The following HHAT variants were observed in gnomAD, a reference collection of about 807,000 sequenced individuals.
HHAT encodes the protein protein-cysteine N-palmitoyltransferase HHAT.
A neutral mutation model predicts 70.8 loss-of-function variants in HHAT; 47 were observed. That is an observed-to-expected ratio of 0.66 (90% CI 0.53 to 0.85). HHAT has a LOEUF of 0.85. Ranked by LOEUF, HHAT falls within the 40% of genes least tolerant of loss-of-function variation. The pLI, the probability that HHAT is intolerant of heterozygous loss-of-function variation, is 0.00. For synonymous variants in HHAT, 228 were observed against 247.6 expected (o/e 0.92, Z 0.74); for missense variants, 609 against 604.8 (o/e 1.01, Z -0.07).
intron 7 of HHAT, among the ~76,000 whole-genome samples, chr1:210,433,052 A>G (rs1170303523): frequency 6.6e-6 from 1 of 151,892 alleles, no homozygotes; most frequent in Middle Eastern, 3.4e-3. Context: ...CAGCACAGAC[A>G]GTAAAAGATG....
intron 11 of HHAT, among the ~76,000 whole-genome samples, chr1:210,652,243 A>T (rs558879591): frequency 3.9e-5 from 6 of 152,082 alleles, no homozygotes; most frequent in Non-Finnish European, 8.8e-5. Context: ...AGAATGGAGG[A>T]ATCAAAACAA....
intron 10 of HHAT, among the ~76,000 whole-genome samples, chr1:210,606,077 C>G (rs11119550): frequency 0.29 from 43,792 of 151,910 alleles, 7,955 homozygotes; most frequent in East Asian, 0.68. Context: ...AGGCTGGTCT[C>G]GAACTCCTGA....
At chr1:210,667,963 C>T (rs1055836972) in intron 11 of HHAT, among the ~76,000 whole-genome samples, 5 of 152,138 alleles carry the variant, frequency 3.3e-5, no homozygotes, top group Admixed American at 1.3e-4. Context: ...TTAAACACTG[C>T]CTTCTCATTT....
intron 11 of HHAT, among the ~76,000 whole-genome samples, chr1:210,673,419 A>G (rs556952525): frequency 2.6e-5 from 4 of 152,200 alleles, no homozygotes; most frequent in Non-Finnish European, 1.5e-5. Flanking sequence ...GAATCACACA[A>G]TATTATTCTA....
chr1:210,520,076 C>T (rs571045348), intron 9 of HHAT, among the ~76,000 whole-genome samples: 2 of 152,084 alleles, frequency 1.3e-5, no homozygotes, highest in African/African-American at 2.4e-5. Context: ...AGTGCAATGG[C>T]GTGATCTCAG....
Position 210,455,214 on chromosome 1 carries a change from C to T in HHAT, c.857-9291C>T, listed in dbSNP as rs116518829. On this transcript the variant is annotated intron_variant, in intron 7 of 11. Transcript: ENST00000261458. ...CCTGTCTTCTTGTCCCTGTCTTTCA[C>T]GTTACCTGCCCTTTATAGCAGAAAA... 1.6e-3 allele frequency among the ~76,000 whole-genome samples: 245 copies of T among 152,308 alleles called. 1 individual carries two copies. Among genetic ancestry groups the T allele is most frequent in the African/African-American group, 5.1e-3 (213 of 41,572 alleles).
At chr1:210,450,176 A>T (rs1332131601) in intron 7 of HHAT, among the ~76,000 whole-genome samples, 1 of 151,878 alleles carries the variant, frequency 6.6e-6, no homozygotes, top group Non-Finnish European at 1.5e-5. Context: ...CTGTAATTCC[A>T]GCTACTTGGG....
intron 10 of HHAT, among the ~76,000 whole-genome samples, chr1:210,617,862 A>AG (rs1266692246): frequency 6.6e-6 from 1 of 152,192 alleles, no homozygotes; most frequent in Non-Finnish European, 1.5e-5. Context: ...TGAAGGAAGG[A>AG]GGAGGTATTG....
intron 7 of HHAT, among the ~76,000 whole-genome samples, chr1:210,452,621 A>G (rs554947178): frequency 9.2e-5 from 14 of 152,374 alleles, no homozygotes; most frequent in Admixed American, 2.6e-4. Flanking sequence ...AAGAAAACAG[A>G]ACATGGCAGA....
At chr1:210,330,691 G>A (rs1458596350) in intron 1 of HHAT, among the ~76,000 whole-genome samples, 1 of 152,198 alleles carries the variant, frequency 6.6e-6, no homozygotes, top group African/African-American at 2.4e-5. Flanking sequence ...CCTGGCCCAG[G>A]GGGAATGTTC....
chr1:210,493,137 T>C (rs1233368473), intron 8 of HHAT, among the ~76,000 whole-genome samples: 1 of 152,008 alleles, frequency 6.6e-6, no homozygotes, highest in Admixed American at 6.6e-5. Flanking sequence ...TTTGCAACTT[T>C]TAGTCATCCA....
chr1:210,622,460 G>A (rs551668683), intron 10 of HHAT, among the ~76,000 whole-genome samples: 4 of 152,098 alleles, frequency 2.6e-5, no homozygotes, highest in African/African-American at 4.8e-5. Context: ...CCAGCACAGC[G>A]ACCTCACTCA....
intron 11 of HHAT, among the ~76,000 whole-genome samples, chr1:210,626,433 G>C (rs781312248): frequency 6.6e-6 from 1 of 152,140 alleles, no homozygotes; most frequent in East Asian, 1.9e-4. Context: ...CTCTCTTCTG[G>C]GTTCTGAGGC....
At chr1:210,368,722 A>G (rs2089260692) in intron 3 of HHAT, among the ~76,000 whole-genome samples, 1 of 151,998 alleles carries the variant, frequency 6.6e-6, no homozygotes, top group Non-Finnish European at 1.5e-5. Context: ...AATACCTGTT[A>G]CTGTGGTTAT....
At chr1:210,500,721 G>A (rs376825687) in intron 8 of HHAT, among the ~76,000 whole-genome samples, 30 of 152,304 alleles carry the variant, frequency 2.0e-4, no homozygotes, top group African/African-American at 7.2e-4. Flanking sequence ...GCTTTTGGTT[G>A]CCTTCTGGGC....
chr1:210,412,026 C>T (rs191315962), intron 6 of HHAT, among the ~76,000 whole-genome samples: 302 of 152,326 alleles, frequency 2.0e-3, no homozygotes, highest in African/African-American at 6.7e-3. Context: ...GATTTGATGT[C>T]TGGTAAGGGC....
At chr1:210,582,469 G>T (rs778878440) in intron 9 of HHAT, among the ~76,000 whole-genome samples, 2 of 152,142 alleles carry the variant, frequency 1.3e-5, no homozygotes, top group Non-Finnish European at 2.9e-5. Context: ...TCTGGGATTA[G>T]TCTGTCATAG....
At chr1:210,415,227 T>G (rs946507993) in intron 6 of HHAT, among the ~76,000 whole-genome samples, 17 of 152,228 alleles carry the variant, frequency 1.1e-4, no homozygotes, top group Admixed American at 8.5e-4. Flanking sequence ...TCCTTTTAAC[T>G]TCTCGTTTAT....
rs1331461975 is a variant in HHAT at position 210,587,927 on chromosome 1, A to G, written c.1073A>G (p.Gln358Arg). ...GTGTACATTCCAGTGGGCGGGTCCC[A>G]GCATGGCCTGCTGGGGACACTGTTT... ...RYVYIPVGGS[Q>R]HGLLGTLFST... Residue 358 changes from glutamine to arginine, a missense_variant, in exon 10 of 12, where the codon CAG becomes CGG. Transcript: ENST00000261458. 1 of 1,613,936 alleles carries G rather than the reference A, an allele frequency of 6.2e-7. No homozygotes were observed. The highest frequency in any genetic ancestry group is 8.5e-7 in the Non-Finnish European group (1 of 1,180,012).
Sources: allele counts gnomAD v4.1 joint callset (sites outside exome capture counted in the v4.1 genomes callset), GRCh38; gene constraint gnomAD v4.1.1; transcripts MANE v1.5; gene names NCBI Gene and HGNC (gene_info 2026-07-23, HGNC 2026-07-21).